LAMA3: variants seen among roughly 807,000 people sequenced by gnomAD.
The protein encoded by LAMA3 is laminin subunit alpha 3, also known as laminin subunit alpha-3.
In LAMA3, 281 loss-of-function variants were observed where a neutral mutation model predicts 402.0. The observed-to-expected ratio is 0.70, with a 90% CI of 0.63 to 0.77. The LOEUF (loss-of-function observed/expected upper bound fraction) is 0.77. Among genes scored for constraint, LAMA3 ranks in the 30% least tolerant of loss-of-function variants. The pLI is 0.00. For synonymous variants in LAMA3, 1,431 were observed against 1,558.4 expected (o/e 0.92, Z 1.93); for missense variants, 3,840 against 4,215.5 (o/e 0.91, Z 2.47).
At chr18:23,692,167 T>G (rs1376670240) in intron 1 of LAMA3, among the ~76,000 whole-genome samples, 1 of 152,260 alleles carries the variant, frequency 6.6e-6, no homozygotes, top group East Asian at 1.9e-4. Context: ...TGCCCCATCC[T>G]TCGGTTAGCC....
chr18:23,820,067 GC>G (rs1177984501), intron 19 of LAMA3, 70 bp downstream of exon 19: 9 of 1,465,530 alleles, frequency 6.1e-6, no homozygotes, highest in African/African-American at 1.4e-5. Flanking sequence ...GTCTCAGGGA[GC>G]CCCCTGAAAG....
chr18:23,885,094 G>A (rs2065027642), intron 41 of LAMA3, among the ~76,000 whole-genome samples: 2 of 151,978 alleles, frequency 1.3e-5, no homozygotes, highest in African/African-American at 4.8e-5. Context: ...TCACCCACAA[G>A]TAGCTCTACC....
At position 23,904,619 on chromosome 18, in the gene LAMA3, G is replaced by A. The variant is rs2145154874; in HGVS notation, c.6540G>A (p.Glu2180=). The part of the protein sequence containing the change: ...RCAVDAATAY[E]NILNAIKAAE... Reference sequence around the variant, plus strand: ...CTGTGGATGCCGCCACCGCCTACGAGAACATCCTCAATGCCATCAAAGCGG... The same window carrying A: ...CTGTGGATGCCGCCACCGCCTACGAAAACATCCTCAATGCCATCAAAGCGG... Residue 2180 remains glutamate, a synonymous_variant, in exon 51 of 75, where the codon GAG becomes GAA. Transcript: ENST00000313654. The A allele has an allele frequency of 1.2e-6, 2 of 1,613,688 alleles. No homozygotes were observed. The highest frequency in any genetic ancestry group is 1.7e-6 in the Non-Finnish European group (2 of 1,179,914).
chr18:23,867,794 C>T, intron 36 of LAMA3, 40 bp from the exon 37 acceptor site: 1 of 1,435,874 alleles, frequency 7.0e-7, no homozygotes, highest in Non-Finnish European at 9.8e-7. Flanking sequence ...TGAAAGATCC[C>T]AGTGAAGGTA....
At chr18:23,886,155 A>G (rs972923731) in intron 41 of LAMA3, among the ~76,000 whole-genome samples, 1 of 152,218 alleles carries the variant, frequency 6.6e-6, no homozygotes, top group Non-Finnish European at 1.5e-5. Context: ...GCAGCTTAAT[A>G]TTTGTGTATG....
At chr18:23,929,685 G>A (rs960122804) in intron 64 of LAMA3, among the ~76,000 whole-genome samples, 2 of 152,180 alleles carry the variant, frequency 1.3e-5, no homozygotes, top group African/African-American at 4.8e-5. Context: ...TCTCTTGGTG[G>A]CTTGCTCACC....
chr18:23,904,528 G>T, intron 50 of LAMA3, 25 bp from the exon 51 acceptor site: 1 of 1,574,104 alleles, frequency 6.4e-7, no homozygotes, highest in South Asian at 1.2e-5. Flanking sequence ...GCTGTGGGGA[G>T]TGGCTAACCT....
chr18:23,699,203 C>T (rs1002993182), intron 1 of LAMA3, among the ~76,000 whole-genome samples: 1 of 152,302 alleles, frequency 6.6e-6, no homozygotes, highest in East Asian at 1.9e-4. Flanking sequence ...TTGGTGTGTT[C>T]CAGGAACTCA....
At chr18:23,888,903 A>T (rs1316472446) in intron 41 of LAMA3, among the ~76,000 whole-genome samples, 2 of 151,412 alleles carry the variant, frequency 1.3e-5, no homozygotes, top group Non-Finnish European at 2.9e-5. Context: ...TTGACATCCC[A>T]ACTCCAGGAG....
intron 12 of LAMA3, among the ~76,000 whole-genome samples, chr18:23,788,310 T>C (rs1207534373): frequency 6.6e-6 from 1 of 151,950 alleles, no homozygotes; most frequent in African/African-American, 2.4e-5. Context: ...TAGAACTAAA[T>C]AAGAGTAAAA....
At chr18:23,910,375 C>T (rs1221513732) in intron 55 of LAMA3, among the ~76,000 whole-genome samples, 1 of 152,186 alleles carries the variant, frequency 6.6e-6, no homozygotes, top group Non-Finnish European at 1.5e-5. Flanking sequence ...TAATGTGGAA[C>T]AGTGCCTGGC....
intron 6 of LAMA3, among the ~76,000 whole-genome samples, chr18:23,755,572 C>T (rs2061828312): frequency 6.6e-6 from 1 of 152,124 alleles, no homozygotes; most frequent in African/African-American, 2.4e-5. Context: ...AAATTACTTG[C>T]TAATGAGGCA....
chr18:23,878,366 A>T (rs942569029), intron 39 of LAMA3, among the ~76,000 whole-genome samples: 52 of 152,262 alleles, frequency 3.4e-4, no homozygotes, highest in African/African-American at 1.2e-3. Flanking sequence ...TTCATTCAGG[A>T]AATCCTCACT....
At chr18:23,709,798 G>A (rs1443955981) in intron 1 of LAMA3, 1 of 629,564 alleles carries the variant, frequency 1.6e-6, no homozygotes, top group Admixed American at 1.9e-5. Flanking sequence ...TTTTTCTGGT[G>A]AATTAGCCAG....
intron 36 of LAMA3, among the ~76,000 whole-genome samples, chr18:23,865,227 C>G (rs1336071961): frequency 6.6e-6 from 1 of 152,186 alleles, no homozygotes; most frequent in Non-Finnish European, 1.5e-5. Flanking sequence ...CTCCTGGCCT[C>G]AAGCAATCCT....
chr18:23,787,282 C>CAAAT (rs538458067), intron 12 of LAMA3, among the ~76,000 whole-genome samples: 6 of 151,174 alleles, frequency 4.0e-5, no homozygotes, highest in Admixed American at 1.3e-4. Context: ...AACTCTGTCT[C>CAAAT]AAATAAATAA....
chr18:23,728,126 C>T (rs1456872023), intron 2 of LAMA3, among the ~76,000 whole-genome samples: 1 of 152,196 alleles, frequency 6.6e-6, no homozygotes, highest in Non-Finnish European at 1.5e-5. Context: ...TCCTCTGGCT[C>T]AGATTTGGTG....
Position 23,933,953 on chromosome 18 carries a change from ACCCTGGGTTT to A in LAMA3, c.8862+23_8862+32del, listed in dbSNP as rs1159359765. ...TCAACCAGGTAAGTGTCCAAACCTA[ACCCTGGGTTT>A]CCCTCTTCCCTGGAGGATTCCCCTG... is the stretch of plus-strand genomic sequence containing the variant. On this transcript the variant is annotated intron_variant, in intron 67 of 74. Transcript: ENST00000313654. The A allele has an allele frequency of 6.2e-7, 1 of 1,612,828 alleles. No individual in the cohort carries two copies. The highest frequency in any genetic ancestry group is 1.1e-5 in the South Asian group (1 of 91,042).
rs533470714 is a variant in LAMA3 at position 23,805,407 on chromosome 18, G to A, written c.1604-4959G>A. ...GCAATTCCTGCAGAAATGTTGTATT[G>A]CTTTTGGTTGTACTATTTTCCTAGG... On this transcript the variant is annotated intron_variant, in intron 12 of 74. Transcript: ENST00000313654. Among the ~76,000 whole-genome samples the A allele has an allele frequency of 3.9e-5, 6 of 152,276 alleles. 1 individual carries two copies. In the South Asian group the frequency reaches 1.2e-3, roughly 32 times the overall value.
Sources: gnomAD v4.1 joint callset for allele counts (sites outside exome capture counted in the v4.1 genomes callset) on GRCh38, gnomAD v4.1.1 for gene constraint, MANE v1.5 for transcripts, NCBI Gene and HGNC (gene_info 2026-07-23, HGNC 2026-07-21) for gene names.